The following HOOK3 variants were observed in gnomAD, a reference collection of about 807,000 sequenced individuals.
HOOK3 encodes hook microtubule tethering protein 3.
In HOOK3, 24 loss-of-function variants were observed where a neutral mutation model predicts 116.3. The ratio of observed to expected loss-of-function variants is 0.21; its 90% confidence interval spans 0.15 to 0.29. The LOEUF (loss-of-function observed/expected upper bound fraction) is 0.29. HOOK3 is among the 10% of genes least tolerant of loss of function. The pLI, the probability that HOOK3 is intolerant of heterozygous loss-of-function variation, is 1.00. For missense variants in HOOK3, 632 were observed against 830.2 expected (o/e 0.76, Z 2.93); for synonymous variants, 275 against 283.0 (o/e 0.97, Z 0.28).
intron 6 of HOOK3, among the ~76,000 whole-genome samples, chr8:42,956,229 T>C (rs954104456): frequency 2.7e-5 from 4 of 145,884 alleles, no homozygotes; most frequent in East Asian, 2.0e-4. Flanking sequence ...AGGGCGTGTG[T>C]GTGTGTGTGT....
At chr8:42,960,908 A>G (rs1808523222) in intron 8 of HOOK3, among the ~76,000 whole-genome samples, 1 of 152,198 alleles carries the variant, frequency 6.6e-6, no homozygotes, top group Non-Finnish European at 1.5e-5. Flanking sequence ...CATAATTTAT[A>G]AAGAAAAAAG....
chr8:43,002,183 A>ACACAAAG, intron 17 of HOOK3, 42 bp downstream of exon 17: 2 of 1,475,650 alleles, frequency 1.4e-6, no homozygotes, highest in Non-Finnish European at 1.9e-6. Context: ...CTATAGTGGA[A>ACACAAAG]CACATGTGCT....
At chr8:42,944,609 A>T (rs1808189531) in intron 5 of HOOK3, among the ~76,000 whole-genome samples, 1 of 151,958 alleles carries the variant, frequency 6.6e-6, no homozygotes, top group South Asian at 2.1e-4. Flanking sequence ...TCACAAAGTC[A>T]GGAGTTTGAG....
intron 9 of HOOK3, 144 bp downstream of exon 9, chr8:42,964,618 G>C (rs1052755517): frequency 3.1e-6 from 2 of 654,298 alleles, no homozygotes; most frequent in Non-Finnish European, 5.0e-6. Context: ...CTTGAGGTCG[G>C]GGATTCAAAA....
intron 4 of HOOK3, among the ~76,000 whole-genome samples, chr8:42,936,279 G>A (rs1807970140): frequency 1.3e-5 from 2 of 152,202 alleles, no homozygotes. Flanking sequence ...TCAGCTTAAG[G>A]AGATTTTGGG....
chr8:42,898,550 C>G (rs902941272), intron 1 of HOOK3, among the ~76,000 whole-genome samples: 43 of 152,270 alleles, frequency 2.8e-4, no homozygotes, highest in African/African-American at 1.0e-3. Context: ...ATAGATTTGG[C>G]AGAATCTGTA....
chr8:43,014,909 CTG>C (rs1336753407), intron 21 of HOOK3, among the ~76,000 whole-genome samples: 1 of 152,048 alleles, frequency 6.6e-6, no homozygotes, highest in African/African-American at 2.4e-5. Context: ...CTTTGGGAGT[CTG>C]AGGCAGGCAG....
At chr8:42,904,253 G>A (rs1327295207) in intron 1 of HOOK3, among the ~76,000 whole-genome samples, 1 of 149,976 alleles carries the variant, frequency 6.7e-6, no homozygotes, top group African/African-American at 2.5e-5. Flanking sequence ...ACTCAAATGG[G>A]TCTTCCTGTC....
At chr8:42,958,024 G>A (rs1808466939) in intron 7 of HOOK3, among the ~76,000 whole-genome samples, 1 of 152,000 alleles carries the variant, frequency 6.6e-6, no homozygotes, top group African/African-American at 2.4e-5. Context: ...AGTAGAGACG[G>A]GGTTTCACCA....
chr8:42,916,310 G>C (rs1330475956), intron 2 of HOOK3, among the ~76,000 whole-genome samples: 1 of 152,002 alleles, frequency 6.6e-6, no homozygotes, highest in Admixed American at 6.5e-5. Context: ...TCTTTTTTTG[G>C]CTTTTTGTTT....
intron 1 of HOOK3, chr8:42,897,424 CTG>C (rs1327218991): frequency 1.9e-5 from 6 of 321,040 alleles, no homozygotes; most frequent in Non-Finnish European, 3.4e-5. Flanking sequence ...GCGGGCGACT[CTG>C]GGATCCGTGC....
chr8:43,006,311 C>A (rs140849496), intron 17 of HOOK3, among the ~76,000 whole-genome samples: 1 of 147,158 alleles, frequency 6.8e-6, no homozygotes. Flanking sequence ...TTAGCCACTG[C>A]GCCCAGCCTA....
chr8:42,969,022 G>A (rs2130427274), intron 11 of HOOK3, among the ~76,000 whole-genome samples: 1 of 152,174 alleles, frequency 6.6e-6, no homozygotes, highest in East Asian at 1.9e-4. Context: ...GATAGGTATA[G>A]CTTTATAACA....
At chr8:42,973,836 G>A (rs762717639) in intron 12 of HOOK3, among the ~76,000 whole-genome samples, 2 of 152,132 alleles carry the variant, frequency 1.3e-5, no homozygotes, top group African/African-American at 2.4e-5. Flanking sequence ...AGAATGTTAA[G>A]AAATTAGTTA....
intron 2 of HOOK3, among the ~76,000 whole-genome samples, chr8:42,911,338 C>T (rs1563289092): frequency 6.6e-6 from 1 of 152,124 alleles, no homozygotes; most frequent in Non-Finnish European, 1.5e-5. Context: ...GTAATCCCAG[C>T]TACTAGGGAG....
rs549566060 is a variant in HOOK3 at position 42,970,428 on chromosome 8, A to T, written c.1122+2214A>T. Among the ~76,000 whole-genome samples, 172 of 152,206 alleles carry T rather than the reference A, an allele frequency of 1.1e-3. 1 individual carries two copies. Among genetic ancestry groups the T allele is most frequent in the African/African-American group, 4.1e-3 (171 of 41,528 alleles). On this transcript the variant is annotated intron_variant, in intron 11 of 21. Coordinates refer to ENST00000307602, the MANE Select transcript of HOOK3 (RefSeq NM_032410.4). ...CCCTTTGCTTTCCCTTTAAACTCCA[A>T]ACTCTTGGGAATTGGAATTACATTG... is the stretch of plus-strand genomic sequence containing the variant.
chr8:42,899,048 G>T (rs1401391426), intron 1 of HOOK3, among the ~76,000 whole-genome samples: 2 of 151,948 alleles, frequency 1.3e-5, no homozygotes, highest in East Asian at 3.8e-4. Flanking sequence ...TTGCATCATT[G>T]TAAAGTTGAA....
intron 4 of HOOK3, among the ~76,000 whole-genome samples, chr8:42,934,754 TG>T (rs1450025187): frequency 6.6e-6 from 1 of 152,212 alleles, no homozygotes; most frequent in Non-Finnish European, 1.5e-5. Context: ...TGGTATTCCA[TG>T]GTGTATATGT....
Position 42,906,841 on chromosome 8 carries a change from C to T in HOOK3, c.143+583C>T, listed in dbSNP as rs762640740. Among the ~76,000 whole-genome samples the T allele has an allele frequency of 7.2e-5, 11 of 152,244 alleles. No individual in the cohort carries two copies. The Middle Eastern group carries it at 0.01, about 141-fold the overall frequency. ...GTTGTATCCAAGCAACAGGCGAATG[C>T]GTGGTTTTATGTTGAACCATATGAA... On this transcript the variant is annotated intron_variant, in intron 2 of 21. Transcript: ENST00000307602.
Sources: allele counts gnomAD v4.1 joint callset (sites outside exome capture counted in the v4.1 genomes callset), GRCh38; gene constraint gnomAD v4.1.1; transcripts MANE v1.5; gene names NCBI Gene and HGNC (gene_info 2026-07-23, HGNC 2026-07-21).